LEKR1: variants seen among roughly 807,000 people sequenced by gnomAD.
LEKR1 encodes leucine, glutamate and lysine rich 1.
In LEKR1, 59 loss-of-function variants were observed where a neutral mutation model predicts 72.4. That is an observed-to-expected ratio of 0.82 (90% confidence interval 0.66 to 1.01). LEKR1 has a LOEUF of 1.01. Ranked by LOEUF, LEKR1 falls within the 50% of genes least tolerant of loss-of-function variation. LEKR1 has a pLI of 0.00. For missense variants in LEKR1, 728 were observed against 759.2 expected (o/e 0.96, Z 0.48); for synonymous variants, 257 against 263.2 (o/e 0.98, Z 0.23).
At chr3:157,037,877 G>A (rs1423062817) in intron 12 of LEKR1, among the ~76,000 whole-genome samples, 1 of 152,128 alleles carries the variant, frequency 6.6e-6, no homozygotes, top group Non-Finnish European at 1.5e-5. Context: ...GTAATAGAAA[G>A]ACTCTGCAGC....
At chr3:156,969,208 T>G (rs1048746989) in intron 6 of LEKR1, among the ~76,000 whole-genome samples, 1 of 151,778 alleles carries the variant, frequency 6.6e-6, no homozygotes, top group African/African-American at 2.4e-5. Flanking sequence ...AACATCACAA[T>G]TAAAAGAACT....
At position 156,886,704 on chromosome 3, in the gene LEKR1, C is replaced by T. The variant is rs1481568861; in HGVS notation, c.263+33722C>T. 2.6e-5 allele frequency among the ~76,000 whole-genome samples: 4 copies of T among 152,154 alleles called. No homozygotes were observed. In the East Asian group the frequency reaches 7.7e-4, roughly 29 times the overall value. ...AGGTGAGGTTAAAACCTCCCATGAC[C>T]TGGATTTTCAGATTCCCCAGTGGGG... On this transcript the variant is annotated intron_variant, in intron 3 of 12. Transcript: ENST00000356539.
At chr3:157,031,468 A>G (rs896010634) in intron 12 of LEKR1, among the ~76,000 whole-genome samples, 7 of 152,134 alleles carry the variant, frequency 4.6e-5, no homozygotes, top group Admixed American at 6.6e-5. Flanking sequence ...CCTCAAAGTT[A>G]ACTAATTCGA....
intron 2 of LEKR1, among the ~76,000 whole-genome samples, chr3:156,845,995 C>T (rs1337621910): frequency 6.6e-6 from 1 of 152,040 alleles, no homozygotes; most frequent in Admixed American, 6.5e-5. Context: ...ATTTCATCAG[C>T]ATTTTGTAGT....
In LEKR1 at chr3:156,839,384, C is replaced by T. The variant is rs183290860; in HGVS notation, c.48+10007C>T. ...TTACCAAAACCTTGAAAGATTACAC[C>T]ATTGAAGATGCCATCATTCTTATAG... On this transcript the variant is annotated intron_variant, in intron 2 of 12. Transcript: ENST00000356539. Among the ~76,000 whole-genome samples the T allele has an allele frequency of 5.4e-3, 820 of 152,302 alleles. 6 individuals carry two copies. The highest frequency in any genetic ancestry group is 5.1e-3 in the Non-Finnish European group (345 of 68,030).
intron 3 of LEKR1, among the ~76,000 whole-genome samples, chr3:156,865,837 C>T (rs1458179394): frequency 1.3e-5 from 2 of 152,016 alleles, no homozygotes; most frequent in Non-Finnish European, 2.9e-5. Flanking sequence ...AGATTATCTA[C>T]TTCTTTTTGC....
At chr3:156,918,719 CA>C (rs1191143653) in intron 3 of LEKR1, among the ~76,000 whole-genome samples, 1 of 151,766 alleles carries the variant, frequency 6.6e-6, no homozygotes, top group African/African-American at 2.4e-5. Flanking sequence ...TAGGAAATAT[CA>C]GTGTAAACAT....
chr3:156,893,559 A>G (rs1210783132), intron 3 of LEKR1, among the ~76,000 whole-genome samples: 1 of 144,910 alleles, frequency 6.9e-6, no homozygotes, highest in African/African-American at 2.7e-5. Flanking sequence ...TCCTCACCAC[A>G]GTAAGTGAGT....
intron 3 of LEKR1, among the ~76,000 whole-genome samples, chr3:156,886,692 A>T (rs77514104): frequency 4.0e-5 from 6 of 151,772 alleles, no homozygotes; most frequent in Non-Finnish European, 2.9e-5. Flanking sequence ...TGAGGTTAAA[A>T]CCTCCCATGA....
chr3:156,827,830 T>C (rs1711839480), intron 1 of LEKR1, among the ~76,000 whole-genome samples: 1 of 152,264 alleles, frequency 6.6e-6, no homozygotes, highest in African/African-American at 2.4e-5. Context: ...TTGTTTATAC[T>C]GTCATTTAGA....
intron 12 of LEKR1, among the ~76,000 whole-genome samples, chr3:157,037,517 G>T (rs1456594399): frequency 6.6e-6 from 1 of 152,084 alleles, no homozygotes; most frequent in Admixed American, 6.6e-5. Flanking sequence ...CAGATTATGA[G>T]AAATGAAAAA....
At chr3:156,867,653 T>C (rs1219649605) in intron 3 of LEKR1, among the ~76,000 whole-genome samples, 1 of 152,110 alleles carries the variant, frequency 6.6e-6, no homozygotes, top group Non-Finnish European at 1.5e-5. Flanking sequence ...ATAGCACTTA[T>C]ATTTTTAAAC....
chr3:157,028,847 C>G (rs1452842956), intron 12 of LEKR1, among the ~76,000 whole-genome samples: 1 of 152,154 alleles, frequency 6.6e-6, no homozygotes, highest in Non-Finnish European at 1.5e-5. Context: ...TCAATGTAAA[C>G]TTATAAGGTA....
chr3:157,032,712 T>G (rs916580491), intron 12 of LEKR1, among the ~76,000 whole-genome samples: 1 of 152,192 alleles, frequency 6.6e-6, no homozygotes, highest in Non-Finnish European at 1.5e-5. Context: ...AATCTAGTTA[T>G]GTGACACAAC....
At chr3:156,958,899 C>T (rs1245321544) in intron 6 of LEKR1, among the ~76,000 whole-genome samples, 5 of 152,068 alleles carry the variant, frequency 3.3e-5, no homozygotes, top group African/African-American at 4.8e-5. Flanking sequence ...CCATTCAAAT[C>T]GTTTTGTTTG....
intron 2 of LEKR1, among the ~76,000 whole-genome samples, chr3:156,841,105 G>A (rs1443928043): frequency 2.0e-5 from 3 of 152,198 alleles, no homozygotes; most frequent in African/African-American, 7.2e-5. Context: ...AGTATCTGCT[G>A]TGAGAATGAA....
intron 3 of LEKR1, among the ~76,000 whole-genome samples, chr3:156,854,231 C>G (rs1314162426): frequency 4.1e-5 from 6 of 147,500 alleles, no homozygotes; most frequent in Non-Finnish European, 8.9e-5. Context: ...GCAGCCTCTG[C>G]CTTCCAGGTT....
chr3:156,979,323 G>A, intron 7 of LEKR1, 48 bp downstream of exon 7: 1 of 863,226 alleles, frequency 1.2e-6, no homozygotes, highest in Non-Finnish European at 1.7e-6. Context: ...CTGTAGATGT[G>A]TTACAAAATG....
At chr3:157,020,031 C>G (rs1442447766) in intron 10 of LEKR1, among the ~76,000 whole-genome samples, 1 of 152,094 alleles carries the variant, frequency 6.6e-6, no homozygotes, top group African/African-American at 2.4e-5. Flanking sequence ...CATTCTTCTC[C>G]CTTTTGTCTA....
Sources: gnomAD v4.1 joint callset for allele counts (sites outside exome capture counted in the v4.1 genomes callset) on GRCh38, gnomAD v4.1.1 for gene constraint, MANE v1.5 for transcripts, NCBI Gene and HGNC (gene_info 2026-07-23, HGNC 2026-07-21) for gene names.